SIGLEC1: variants seen among roughly 807,000 people sequenced by gnomAD.
The protein encoded by SIGLEC1 is sialic acid binding Ig like lectin 1.
In SIGLEC1, 132 loss-of-function variants were observed where a neutral mutation model predicts 148.0. The ratio of observed to expected loss-of-function variants is 0.89; its 90% confidence interval spans 0.77 to 1.03. The LOEUF is 1.03. SIGLEC1 is among the 50% of genes least tolerant of loss of function. SIGLEC1 has a pLI of 0.00. For missense variants in SIGLEC1, 2,253 were observed against 2,271.4 expected, an observed-to-expected ratio of 0.99 and a Z score of 0.16; for synonymous variants, 945 against 969.0, an observed-to-expected ratio of 0.98 and a Z score of 0.46.
In SIGLEC1 at chr20:3,688,608, A is replaced by C; in HGVS notation, c.5082T>G (p.Pro1694=). Residue 1694 remains proline (P), a synonymous_variant, in exon 22 of 22, where the codon CCT becomes CCG. Transcript: ENST00000344754. The part of the protein sequence containing the change: ...FQKETTQLID[P]DAATCETSTC... ...TTGAGGTCTCACATGTGGCTGCATCAGGATCAATGAGCTTCCCACAGAGAA... is the reference window on the plus strand; with the variant it reads ...TTGAGGTCTCACATGTGGCTGCATCCGGATCAATGAGCTTCCCACAGAGAA... The C allele has an allele frequency of 6.3e-7, 1 of 1,599,126 alleles. No individual in the cohort carries two copies.
Position 3,694,840 on chromosome 20 carries a change from G to A in SIGLEC1, c.2767C>T (p.Pro923Ser). ...VLSCQVHTGV[P>S]EGTSYRWYRD... ...TACCAACGATATGAGGTCCCCTCTGGGACTCCTGTGTGTACCTGGCAGCTC... is the reference window on the plus strand; with the variant it reads ...TACCAACGATATGAGGTCCCCTCTGAGACTCCTGTGTGTACCTGGCAGCTC... Residue 923 changes from proline to serine, a missense_variant, in exon 12 of 22, where the codon CCA (proline) becomes TCA (serine). Transcript: ENST00000344754. The A allele has an allele frequency of 1.9e-6, 3 of 1,613,466 alleles. No homozygotes were observed. Among genetic ancestry groups the A allele is most frequent in the Non-Finnish European group, 2.5e-6 (3 of 1,179,966 alleles).
intron 5 of SIGLEC1, 32 bp from the exon 6 acceptor site, chr20:3,703,483 TC>T: frequency 6.5e-7 from 1 of 1,539,152 alleles, no homozygotes; most frequent in Non-Finnish European, 8.8e-7. Flanking sequence ...TGCTGGGGGG[TC>T]CCAGCCAACT....
intron 7 of SIGLEC1, 94 bp from the exon 8 acceptor site, chr20:3,699,553 A>G (rs113879758): frequency 1.4e-6 from 2 of 1,474,826 alleles, no homozygotes; most frequent in Non-Finnish European, 1.8e-6. Flanking sequence ...CTTTCCCCAC[A>G]CTACTGTAGG....
intron 5 of SIGLEC1, 141 bp downstream of exon 5, chr20:3,703,684 G>C: frequency 8.2e-7 from 1 of 1,213,206 alleles, no homozygotes; most frequent in Non-Finnish European, 1.1e-6. Flanking sequence ...TGGTAAGGCA[G>C]GGCTGGGACT....
chr20:3,693,108 T>C lies in SIGLEC1; in HGVS notation c.3532A>G (p.Thr1178Ala), dbSNP rs148402977. Residue 1178 changes from threonine (T) to alanine (A), a missense_variant, in exon 15 of 22, where the codon ACC (threonine) becomes GCC (alanine). Physicochemically the swap from Thr to Ala is moderately conservative, Grantham distance 58. Coordinates refer to ENST00000344754, the MANE Select transcript of SIGLEC1 (RefSeq NM_023068.4). ...CCGCCATGGCTCTCCAGGAGGTAGG[T>C]CAGGCGCAGGTTGCGGGGCGCGTCT... ...VLYAPRNLRL[T>A]YLLESHGGQL... 10 of 1,580,380 alleles carry C rather than the reference T, an allele frequency of 6.3e-6. No individual in the cohort carries two copies. Among genetic ancestry groups the C allele is most frequent in the Non-Finnish European group, 7.7e-6 (9 of 1,166,836 alleles).
rs1431043972 is a variant in SIGLEC1 at position 3,707,101 on chromosome 20, G to A, written c.28C>T (p.Leu10=). The stretch of plus-strand genomic sequence containing the variant: ...TTACCTGCTGGGAAGAATGAGGCCA[G>A]GAGGAGAAGCTTGGGCAAGAAGCCC... MGFLPKLLL[L]ASFFPAGQAS... The change falls in exon 2 of 22, where the codon CTG becomes TTG. Residue 10 remains leucine, a synonymous_variant. Coordinates refer to ENST00000344754, the MANE Select transcript of SIGLEC1 (RefSeq NM_023068.4). 6.2e-7 allele frequency: 1 copy of A among 1,614,132 alleles called. No individual in the cohort carries two copies. Among genetic ancestry groups the A allele is most frequent in the Non-Finnish European group, 8.5e-7 (1 of 1,179,990 alleles).
intron 1 of SIGLEC1, among the ~76,000 whole-genome samples, chr20:3,711,123 G>A (rs2087926366): frequency 6.6e-6 from 1 of 152,244 alleles, no homozygotes; most frequent in Non-Finnish European, 1.5e-5. Flanking sequence ...CGGTGTGCCA[G>A]CAACAGGGAG....
intron 11 of SIGLEC1, among the ~76,000 whole-genome samples, chr20:3,696,129 T>TATATACACAC (rs11087599): frequency 0.011 from 1,568 of 142,468 alleles, 19 homozygotes; most frequent in African/African-American, 0.032. Context: ...ACTATATATA[T>TATATACACAC]ACACACACAC....
chr20:3,712,373 C>G (rs2087933746), intron 1 of SIGLEC1, among the ~76,000 whole-genome samples, 97 bp downstream of exon 1: 1 of 151,348 alleles, frequency 6.6e-6, no homozygotes, highest in East Asian at 1.9e-4. Flanking sequence ...GAGCCCCCCC[C>G]CGACCCCTGC....
chr20:3,698,549 C>G (rs1169476898), intron 8 of SIGLEC1, among the ~76,000 whole-genome samples: 2 of 152,224 alleles, frequency 1.3e-5, no homozygotes, highest in African/African-American at 4.8e-5. Flanking sequence ...TGCAGCTTAT[C>G]TGTGATCTCC....
rs2088718700 is a variant in SIGLEC1 at position 3,688,268 on chromosome 20, G to GCCA, written c.*291_*292insTGG. 24 of 424,934 alleles carry GCCA rather than the reference G, an allele frequency of 5.6e-5. No homozygotes were observed. The highest frequency in any genetic ancestry group is 3.4e-4 in the South Asian group (16 of 47,490). The allele number at this position is 424,934 out of a possible 1,614,324, so 26.3% of individuals were successfully genotyped here. On this transcript the variant is annotated 3_prime_UTR_variant, in exon 22 of 22. Coordinates refer to ENST00000344754, the MANE Select transcript of SIGLEC1 (RefSeq NM_023068.4). ...TCGAGGAGAAGGATGTGAAAGGGCA[G>GCCA]GGCTTCCTTTGAGGGAGAAATGGAG...
rs945450694 is a variant in SIGLEC1, at chr20:3,703,415, A to C, written c.1010T>G (p.Leu337Arg). ...GACTAGTGTCACTGTCTGGTTCTCC[A>C]GGATGGGACCTGCTGGGCTCACCTG... ...EVQVSPAGPI[L>R]ENQTVTLVCN... Residue 337 changes from leucine (L) to arginine (R), a missense_variant, in exon 6 of 22, where the codon CTG (leucine) becomes CGG (arginine). Physicochemically the swap from Leu to Arg is moderately radical, Grantham distance 102. Transcript: ENST00000344754. 6.3e-7 allele frequency: 1 copy of C among 1,594,252 alleles called. No homozygotes were observed. The highest frequency in any genetic ancestry group is 1.3e-5 in the African/African-American group (1 of 74,860).
At chr20:3,712,007 G>T (rs2087931333) in intron 1 of SIGLEC1, among the ~76,000 whole-genome samples, 1 of 151,992 alleles carries the variant, frequency 6.6e-6, no homozygotes, top group Non-Finnish European at 1.5e-5. Flanking sequence ...GATGGGTGGG[G>T]GTAAGGGTGA....
chr20:3,697,042 C>G (rs1162136683), intron 10 of SIGLEC1, 43 bp downstream of exon 10: 2 of 1,595,946 alleles, frequency 1.3e-6, no homozygotes, highest in Non-Finnish European at 1.7e-6. Context: ...CAGACCACCC[C>G]TCCACCCTCC....
chr20:3,691,712 C>T, intron 17 of SIGLEC1, 112 bp from the exon 18 acceptor site: 1 of 1,446,100 alleles, frequency 6.9e-7, no homozygotes, highest in Admixed American at 2.0e-5. Context: ...CTCAGTCTGA[C>T]TTGGTATAGG....
At chr20:3,702,629 T>A (rs189738128) in intron 6 of SIGLEC1, among the ~76,000 whole-genome samples, 3,825 of 152,174 alleles carry the variant, frequency 0.025, 79 homozygotes, top group Middle Eastern at 0.055. Flanking sequence ...ATTTTCCTGA[T>A]CATGATCATT....
At position 3,712,152 on chromosome 20, in the gene SIGLEC1, G is replaced by A. The variant is rs74507395; in HGVS notation, c.-110+318C>T. On this transcript the variant is annotated intron_variant, in intron 1 of 21. Transcript: ENST00000344754. ...TAGATGAGATGAGTAAATGGTTAGG[G>A]TTGGGGTGCAAGTGAGGTGAGGGTG... Among the ~76,000 whole-genome samples the A allele has an allele frequency of 6.6e-3, 1,001 of 151,622 alleles. 7 individuals carry two copies. Among genetic ancestry groups the A allele is most frequent in the African/African-American group, 0.023 (958 of 41,254 alleles).
Position 3,703,835 on chromosome 20 carries a change from G to A in SIGLEC1, c.963C>T (p.Leu321=). The change falls in exon 5 of 22, where the codon CTC becomes CTT. Residue 321 remains leucine (L), a synonymous_variant. Coordinates refer to ENST00000344754, the MANE Select transcript of SIGLEC1 (RefSeq NM_023068.4). ...VGSLVSPPIS[L]HIFMAEVQVS... ...TTCCCAAGAACTCACTGAAGATGTGGAGGCTGATGGGGGGTGAGACCAAAG... is the reference window on the plus strand; with the variant it reads ...TTCCCAAGAACTCACTGAAGATGTGAAGGCTGATGGGGGGTGAGACCAAAG... 6.2e-7 allele frequency: 1 copy of A among 1,614,010 alleles called. No homozygotes were observed. The highest frequency in any genetic ancestry group is 8.5e-7 in the Non-Finnish European group (1 of 1,180,026).
chr20:3,689,470 G>A (rs1295536045), intron 20 of SIGLEC1, 130 bp downstream of exon 20: 2 of 675,738 alleles, frequency 3.0e-6, no homozygotes, highest in Non-Finnish European at 5.1e-6. Flanking sequence ...CCAATTTGGA[G>A]GGGCAGTCTG....
Sources: gnomAD v4.1 joint callset for allele counts (sites outside exome capture counted in the v4.1 genomes callset) on GRCh38, gnomAD v4.1.1 for gene constraint, MANE v1.5 for transcripts, NCBI Gene and HGNC (gene_info 2026-07-23, HGNC 2026-07-21) for gene names.